PCDHA9: variants seen among roughly 807,000 people sequenced by gnomAD.
PCDHA9 encodes protocadherin alpha 9, also known as protocadherin alpha-9.
Under a neutral mutation model 62.0 loss-of-function variants are expected in PCDHA9, and 62 were observed. The observed-to-expected ratio is 1.00, with a 90% confidence interval of 0.81 to 1.23. The LOEUF (loss-of-function observed/expected upper bound fraction) is 1.23. Ranked by LOEUF, PCDHA9 falls within the 50% of genes most tolerant of loss-of-function variation. PCDHA9 has a pLI of 0.00. For synonymous variants in PCDHA9, 557 were observed against 567.6 expected (o/e 0.98, Z 0.27); for missense variants, 1,205 against 1,249.8 (o/e 0.96, Z 0.54).
intron 1 of PCDHA9, among the ~76,000 whole-genome samples, chr5:140,940,131 G>A (rs1443086111): frequency 7.2e-5 from 11 of 152,092 alleles, no homozygotes; most frequent in African/African-American, 2.4e-4. Context: ...ATTTCTGCTA[G>A]TGATAAACTA....
intron 1 of PCDHA9, chr5:140,862,516 G>T: frequency 2.4e-6 from 1 of 409,748 alleles, no homozygotes; most frequent in South Asian, 1.9e-5. Flanking sequence ...CGCTTTCATT[G>T]TTGGCCACAG....
At chr5:140,964,107 G>A (rs1298844061) in intron 1 of PCDHA9, among the ~76,000 whole-genome samples, 1 of 152,090 alleles carries the variant, frequency 6.6e-6, no homozygotes, top group Non-Finnish European at 1.5e-5. Flanking sequence ...AACAGTCTGA[G>A]CAATCACATT....
At chr5:140,931,390 G>A (rs1296292494) in intron 1 of PCDHA9, among the ~76,000 whole-genome samples, 1 of 152,038 alleles carries the variant, frequency 6.6e-6, no homozygotes, top group Non-Finnish European at 1.5e-5. Flanking sequence ...GGAAACATAA[G>A]TAAGCGATAG....
At chr5:140,857,920 G>A (rs2045011675) in intron 1 of PCDHA9, 2 of 1,597,818 alleles carry the variant, frequency 1.3e-6, no homozygotes, top group Non-Finnish European at 1.7e-6. Flanking sequence ...TTCGCGTGGG[G>A]CTGTACACGG....
chr5:140,953,410 G>A (rs1328809858), intron 1 of PCDHA9, among the ~76,000 whole-genome samples: 5 of 152,042 alleles, frequency 3.3e-5, no homozygotes, highest in Non-Finnish European at 5.9e-5. Flanking sequence ...GTTGCTCCTG[G>A]CTCCTCCCCT....
intron 1 of PCDHA9, among the ~76,000 whole-genome samples, chr5:140,881,132 T>C (rs1215831856): frequency 1.3e-5 from 2 of 152,218 alleles, no homozygotes; most frequent in African/African-American, 4.8e-5. Flanking sequence ...TTGGTAGAGA[T>C]AGTTATAACA....
At position 140,850,793 on chromosome 5, in the gene PCDHA9, G is replaced by C. The variant is rs1232565289; in HGVS notation, c.2298G>C (p.Lys766Asn). Residue 766 changes from lysine to asparagine, a missense_variant, in exon 1 of 4, where the codon AAG becomes AAC. Transcript: ENST00000532602. Reference protein sequence around the residue: ...QRVCSGEGKQKTDLMAFSPGL... With the variant: ...QRVCSGEGKQNTDLMAFSPGL... ...TGTGCTCTGGCGAGGGTAAGCAGAA[G>C]ACCGACCTCATGGCCTTCAGCCCGG... The C allele has an allele frequency of 1.3e-6, 2 of 1,598,464 alleles. No homozygotes were observed. The highest frequency in any genetic ancestry group is 1.7e-6 in the Non-Finnish European group (2 of 1,167,852).
chr5:140,910,103 T>C (rs1485345908), intron 1 of PCDHA9, among the ~76,000 whole-genome samples: 2 of 152,192 alleles, frequency 1.3e-5, no homozygotes, highest in Admixed American at 6.5e-5. Flanking sequence ...CTCCCCTTCA[T>C]TTAAGGGATT....
At chr5:140,966,414 G>A (rs1310333281) in intron 1 of PCDHA9, 5 of 420,334 alleles carry the variant, frequency 1.2e-5, no homozygotes, top group African/African-American at 2.1e-5. Context: ...AATCAGAGCA[G>A]GACTTGCTGA....
intron 1 of PCDHA9, among the ~76,000 whole-genome samples, chr5:140,890,025 T>G (rs1438426095): frequency 2.0e-5 from 3 of 152,178 alleles, no homozygotes; most frequent in African/African-American, 7.2e-5. Context: ...TGTAGAAGGC[T>G]TCAGGTGACT....
Position 140,897,056 on chromosome 5 carries a change from T to C in PCDHA9, c.2394+46167T>C, listed in dbSNP as rs147544543. Among the ~76,000 whole-genome samples the C allele has an allele frequency of 2.6e-3, 395 of 152,288 alleles. 2 individuals carry two copies. The highest frequency in any genetic ancestry group is 9.2e-3 in the African/African-American group (384 of 41,556). ...ATAGTCACCCTATTCTGCTGTCAAA[T>C]ACTATGTCTTATTCATTTTTTCTAT... On this transcript the variant is annotated intron_variant, in intron 1 of 3. Coordinates refer to ENST00000532602, the MANE Select transcript of PCDHA9 (RefSeq NM_031857.2).
intron 1 of PCDHA9, chr5:140,876,256 A>T: frequency 1.9e-6 from 3 of 1,614,042 alleles, no homozygotes; most frequent in Non-Finnish European, 2.5e-6. Context: ...CACAAGAGTG[A>T]TCCAACTAAA....
At chr5:141,003,771 T>G (rs1301111940) in intron 3 of PCDHA9, among the ~76,000 whole-genome samples, 4 of 152,250 alleles carry the variant, frequency 2.6e-5, no homozygotes, top group African/African-American at 9.6e-5. Context: ...CGTATTCTGT[T>G]AAATAAACTT....
At chr5:140,972,514 A>G (rs2096539827) in intron 1 of PCDHA9, among the ~76,000 whole-genome samples, 1 of 152,260 alleles carries the variant, frequency 6.6e-6, no homozygotes, top group Admixed American at 6.5e-5. Context: ...TTTTACCCCC[A>G]GTGAGCTTAT....
chr5:140,941,259 T>TTC (rs1340815463), intron 1 of PCDHA9, among the ~76,000 whole-genome samples: 28 of 121,830 alleles, frequency 2.3e-4, no homozygotes, highest in East Asian at 1.1e-3. Flanking sequence ...TTCTTTCTCT[T>TTC]TCTTTCTTTC....
intron 1 of PCDHA9, chr5:140,875,959 G>A: frequency 1.2e-6 from 2 of 1,614,070 alleles, no homozygotes; most frequent in South Asian, 1.1e-5. Flanking sequence ...TGCGGATATC[G>A]GCGTAAACTC....
intron 1 of PCDHA9, among the ~76,000 whole-genome samples, chr5:140,964,320 T>C (rs782388382): frequency 1.3e-5 from 2 of 152,206 alleles, no homozygotes; most frequent in Non-Finnish European, 2.9e-5. Context: ...TAAAACAGCA[T>C]AATGGACAAC....
At chr5:140,926,053 C>T (rs768010675) in intron 1 of PCDHA9, among the ~76,000 whole-genome samples, 10 of 152,230 alleles carry the variant, frequency 6.6e-5, no homozygotes, top group Non-Finnish European at 1.5e-4. Context: ...CCCCAACCTT[C>T]TTCCCCTCCT....
At chr5:140,898,720 T>C (rs1343662110) in intron 1 of PCDHA9, among the ~76,000 whole-genome samples, 5 of 152,214 alleles carry the variant, frequency 3.3e-5, no homozygotes, top group African/African-American at 4.8e-5. Flanking sequence ...TTTCCAATTC[T>C]GTGAAGAAAG....
Sources: gnomAD v4.1 joint callset for allele counts (sites outside exome capture counted in the v4.1 genomes callset) on GRCh38, gnomAD v4.1.1 for gene constraint, MANE v1.5 for transcripts, NCBI Gene and HGNC (gene_info 2026-07-23, HGNC 2026-07-21) for gene names.